CD6: variants seen among roughly 807,000 people sequenced by gnomAD.
CD6 encodes CD6 molecule.
CD6 carries 53 observed loss-of-function variants against 75.3 expected under a neutral mutation model. The ratio of observed to expected loss-of-function variants is 0.70; its 90% confidence interval spans 0.56 to 0.88. The LOEUF is 0.88. CD6 is among the 40% of genes least tolerant of loss of function. The probability of loss-of-function intolerance (pLI) is 0.00; values close to 1 mark genes in which losing one functional copy is unlikely to be tolerated. For missense variants in CD6, 770 were observed against 897.1 expected (o/e 0.86, Z 1.81); for synonymous variants, 359 against 381.5 (o/e 0.94, Z 0.69).
At chr11:61,017,153 T>G (rs1451510742) in intron 9 of CD6, 2 of 219,616 alleles carry the variant, frequency 9.1e-6, no homozygotes, top group East Asian at 1.1e-4. Context: ...ACATCTGTCC[T>G]TCTCCTGCCC....
chr11:60,993,970 G>A (rs1858168670), intron 1 of CD6, among the ~76,000 whole-genome samples: 1 of 152,086 alleles, frequency 6.6e-6, no homozygotes, highest in Non-Finnish European at 1.5e-5. Flanking sequence ...AGCCTGTTAA[G>A]TCATGTTGAT....
chr11:61,007,850 T>A lies in CD6; in HGVS notation c.409T>A (p.Cys137Ser). The A allele has an allele frequency of 7.1e-7, 1 of 1,409,934 alleles. No homozygotes were observed. The highest frequency in any genetic ancestry group is 1.5e-5 in the South Asian group (1 of 65,742). 87.3% of individuals were successfully genotyped at this position (1,409,934 alleles called of 1,614,324 possible). A position where few individuals can be genotyped will look rare whatever the true frequency, so the allele number is the denominator to read the frequency against. ...LLCSGAEWRL[C>S]EVVEHACRSD... is the part of the protein sequence containing the mutation. ...GTGCAGCGGCGCCGAGTGGCGGCTC[T>A]GCGAGGTGGTGGAGCACGCGTGCCG... is the stretch of plus-strand genomic sequence containing the variant. The change falls in exon 3 of 13, where the codon TGC (cysteine) becomes AGC (serine). Residue 137 changes from cysteine to serine, a missense_variant. Cys to Ser is a moderately radical substitution (Grantham distance 112, BLOSUM62 -1). Coordinates refer to ENST00000313421, the MANE Select transcript of CD6 (RefSeq NM_006725.5). This position sits in a 1 kb window ranked among gnomAD's most constrained non-coding sequence, Gnocchi z 4.2.
At chr11:60,991,046 A>G (rs1436975683) in intron 1 of CD6, among the ~76,000 whole-genome samples, 2 of 151,984 alleles carry the variant, frequency 1.3e-5, no homozygotes, top group African/African-American at 4.8e-5. Flanking sequence ...AATTTATACA[A>G]AAGGGTATAG....
intron 4 of CD6, 82 bp downstream of exon 4, chr11:61,008,927 C>G (rs543660338): frequency 2.4e-6 from 3 of 1,228,168 alleles, no homozygotes; most frequent in Non-Finnish European, 3.3e-6. Flanking sequence ...GAGTTAGTGC[C>G]GGAGAGGTGG....
chr11:61,014,963 CTAGCATAAGGCT>C (rs1019150861), intron 8 of CD6, among the ~76,000 whole-genome samples: 37 of 152,176 alleles, frequency 2.4e-4, no homozygotes, highest in Non-Finnish European at 4.4e-4. Flanking sequence ...AATACAGCAT[CTAGCATAAGGCT>C]TAGCATAAGG....
At chr11:60,973,225 C>T (rs1270979551) in intron 1 of CD6, among the ~76,000 whole-genome samples, 6 of 152,218 alleles carry the variant, frequency 3.9e-5, no homozygotes, top group African/African-American at 9.6e-5. Flanking sequence ...GTGCCCTTGG[C>T]GTCCGAGCCT....
intron 1 of CD6, chr11:60,982,703 A>G (rs1241070190): frequency 2.2e-6 from 1 of 456,052 alleles, no homozygotes; most frequent in East Asian, 6.9e-5. Flanking sequence ...AAGTATGACA[A>G]TGTCTGAGCT....
chr11:60,991,149 C>CTTTTT (rs58123378), intron 1 of CD6, among the ~76,000 whole-genome samples: 531 of 114,538 alleles, frequency 4.6e-3, no homozygotes, highest in East Asian at 8.5e-3. Context: ...CTTTTTCTTT[C>CTTTTT]TTTTTTTTTT....
intron 1 of CD6, among the ~76,000 whole-genome samples, chr11:61,001,427 T>C (rs1275733980): frequency 6.6e-6 from 1 of 152,132 alleles, no homozygotes; most frequent in African/African-American, 2.4e-5. Flanking sequence ...GGTCTCGAAC[T>C]CTGGACCTTG....
chr11:60,973,827 C>G (rs1857274014), intron 1 of CD6, among the ~76,000 whole-genome samples: 1 of 152,148 alleles, frequency 6.6e-6, no homozygotes, highest in African/African-American at 2.4e-5. Context: ...TGAGGGTTGC[C>G]AGGGGTGTAT....
At chr11:60,981,734 C>T (rs542440622) in intron 1 of CD6, among the ~76,000 whole-genome samples, 2 of 152,314 alleles carry the variant, frequency 1.3e-5, no homozygotes, top group East Asian at 1.9e-4. Context: ...GGTTCCCACC[C>T]TCCATTTTGT....
Position 61,008,640 on chromosome 11 carries a change from G to C in CD6, c.576G>C (p.Leu192=). ...WGSVCDDTWD[L]EDAHVVCRQL... ...CAGTGTGCGATGACACTTGGGACCT[G>C]GAGGACGCCCACGTGGTGTGCAGGC... Residue 192 remains leucine (L), a synonymous_variant, in exon 4 of 13, where the codon CTG becomes CTC. Transcript: ENST00000313421. 6.2e-7 allele frequency: 1 copy of C among 1,608,404 alleles called. No homozygotes were observed. The highest frequency in any genetic ancestry group is 8.5e-7 in the Non-Finnish European group (1 of 1,177,868).
chr11:60,982,495 G>A lies in CD6; in HGVS notation c.49+10581G>A, dbSNP rs544845235. 7 of 439,490 alleles carry A rather than the reference G, an allele frequency of 1.6e-5. No individual in the cohort carries two copies. The East Asian group carries it at 4.9e-4, about 31-fold the overall frequency. 27.2% of individuals were successfully genotyped at this position (439,490 alleles called of 1,614,324 possible). A position where few individuals can be genotyped will look rare whatever the true frequency, so the allele number is the denominator to read the frequency against. On this transcript the variant is annotated intron_variant, in intron 1 of 12. Coordinates refer to ENST00000313421, the MANE Select transcript of CD6 (RefSeq NM_006725.5). ...CTAGGGTGTTCACCTCTTTCAGGAG[G>A]GGTGCCTGGGAGCAGGCGGGCGCGG... is the stretch of plus-strand genomic sequence containing the variant.
At chr11:61,011,907 C>T (rs889317969) in intron 6 of CD6, among the ~76,000 whole-genome samples, 1 of 152,228 alleles carries the variant, frequency 6.6e-6, no homozygotes, top group Non-Finnish European at 1.5e-5. Flanking sequence ...CCTAGCATTG[C>T]TGTGAGGCTC....
chr11:60,985,148 T>C (rs1857751863), intron 1 of CD6: 4 of 151,926 alleles, frequency 2.6e-5, no homozygotes, highest in Non-Finnish European at 5.9e-5. Flanking sequence ...TTTTCGTATA[T>C]GTACCGCCGA....
At chr11:60,978,237 C>G (rs1418502215) in intron 1 of CD6, among the ~76,000 whole-genome samples, 3 of 152,160 alleles carry the variant, frequency 2.0e-5, no homozygotes, top group Non-Finnish European at 4.4e-5. Context: ...GCATGGTGTC[C>G]CCTGACAAGA....
At chr11:61,013,307 C>A in intron 6 of CD6, 116 bp from the exon 7 acceptor site, 1 of 1,213,836 alleles carries the variant, frequency 8.2e-7, no homozygotes, top group Non-Finnish European at 1.2e-6. Context: ...AAAAAGGAAG[C>A]AAGGAGGAAG....
chr11:60,998,538 C>A (rs1355550789), intron 1 of CD6, among the ~76,000 whole-genome samples: 1 of 152,160 alleles, frequency 6.6e-6, no homozygotes, highest in Non-Finnish European at 1.5e-5. Flanking sequence ...CCCAGTGACC[C>A]TCTCCACTGT....
chr11:60,993,815 C>T (rs1472818772), intron 1 of CD6, among the ~76,000 whole-genome samples: 2 of 152,130 alleles, frequency 1.3e-5, no homozygotes, highest in African/African-American at 4.8e-5. Flanking sequence ...CAGTTCCCAG[C>T]ATATGCAACA....
Sources: gnomAD v4.1 joint callset for allele counts (sites outside exome capture counted in the v4.1 genomes callset) on GRCh38, gnomAD v4.1.1 for gene constraint, Gnocchi (gnomAD v3.1) non-coding constraint, MANE v1.5 for transcripts, NCBI Gene and HGNC (gene_info 2026-07-23, HGNC 2026-07-21) for gene names.